The following HNRNPAB variants were observed in gnomAD, a reference collection of about 807,000 sequenced individuals.
HNRNPAB encodes the protein ABBP-1.
HNRNPAB carries 17 observed loss-of-function variants against 44.1 expected under a neutral mutation model. The observed-to-expected ratio is 0.39, with a 90% CI of 0.26 to 0.58. The LOEUF is 0.58. Among genes scored for constraint, HNRNPAB ranks in the 20% least tolerant of loss-of-function variants. HNRNPAB has a pLI of 0.63. For missense variants in HNRNPAB, 393 were observed against 432.7 expected (o/e 0.91, Z 0.81); for synonymous variants, 183 against 167.6 (o/e 1.09, Z -0.71).
At position 178,210,823 on chromosome 5, in the gene HNRNPAB, A is replaced by C; in HGVS notation, c.*200A>C. Reference sequence around the variant, plus strand: ...GTGTTTAGGCAGCGTGTGGTGTCTGAGAGGCCATAGCGCCATCATGGGCTG... The same window carrying C: ...GTGTTTAGGCAGCGTGTGGTGTCTGCGAGGCCATAGCGCCATCATGGGCTG... On this transcript the variant is annotated 3_prime_UTR_variant, in exon 8 of 8. Coordinates refer to ENST00000358344, the MANE Select transcript of HNRNPAB (RefSeq NM_031266.3). 1.7e-6 allele frequency: 1 copy of C among 600,508 alleles called. No homozygotes were observed. The highest frequency in any genetic ancestry group is 2.8e-5 in the Admixed American group (1 of 36,186). The allele number at this position is 600,508 out of a possible 1,614,324, so 37.2% of individuals were successfully genotyped here.
rs1008871470 is a variant in HNRNPAB, at chr5:178,210,903, G to A, written c.*280G>A. On this transcript the variant is annotated 3_prime_UTR_variant, in exon 8 of 8. Coordinates refer to ENST00000358344, the MANE Select transcript of HNRNPAB (RefSeq NM_031266.3). ...GTGGGAGGCTCTGCTTCCTGCTGCCGCTCTGCAGCCTGGACCTGTGGACCC... is the reference window on the plus strand; with the variant it reads ...GTGGGAGGCTCTGCTTCCTGCTGCCACTCTGCAGCCTGGACCTGTGGACCC... 45 of 497,848 alleles carry A rather than the reference G, an allele frequency of 9.0e-5. No individual in the cohort carries two copies. The Admixed American group carries it at 9.4e-4, about 10-fold the overall frequency. 30.8% of individuals were successfully genotyped at this position (497,848 alleles called of 1,614,324 possible).
chr5:178,209,458 C>G lies in HNRNPAB; in HGVS notation c.787+11C>G. The G allele has an allele frequency of 1.9e-6, 3 of 1,609,230 alleles. No individual in the cohort carries two copies. The highest frequency in any genetic ancestry group is 2.6e-6 in the Non-Finnish European group (3 of 1,175,622). On this transcript the variant is annotated intron_variant, in intron 6 of 7. Transcript: ENST00000358344. ...GTGGTGGAGGTGGAGGTGAGTGGAACGTGGATGAAGATAGGTCCTGTTTCC... is the reference window on the plus strand; with the variant it reads ...GTGGTGGAGGTGGAGGTGAGTGGAAGGTGGATGAAGATAGGTCCTGTTTCC...
At chr5:178,210,349 C>T (rs1757845245) in intron 7 of HNRNPAB, 77 bp downstream of exon 7, 2 of 1,602,274 alleles carry the variant, frequency 1.2e-6, no homozygotes, top group Non-Finnish European at 1.7e-6. Context: ...GAGCCACTGG[C>T]AGCAGGGGCT....
chr5:178,206,635 C>G, intron 3 of HNRNPAB, 97 bp from the exon 4 acceptor site: 1 of 1,167,842 alleles, frequency 8.6e-7, no homozygotes, highest in Non-Finnish European at 1.2e-6. Context: ...GGGTGAAACA[C>G]ATGTTTGTAT....
chr5:178,210,580 G>C lies in HNRNPAB; in HGVS notation c.956G>C (p.Ser319Thr), dbSNP rs779577708. The C allele has an allele frequency of 6.2e-7, 1 of 1,614,186 alleles. No individual in the cohort carries two copies. The highest frequency in any genetic ancestry group is 8.5e-7 in the Non-Finnish European group (1 of 1,180,002). ...CAGGGTAGTACAAACTACGGCAAGA[G>C]CCAGCGACGTGGTGGCCATCAGAAT... ...YSQGSTNYGK[S>T]QRRGGHQNNY... Residue 319 changes from serine (S) to threonine (T), a missense_variant, in exon 8 of 8, where the codon AGC (serine) becomes ACC (threonine). Around this residue, in one of 3 missense-constraint regions of HNRNPAB, gnomAD observed 210 missense variants for 196.9 expected, o/e 1.07. Transcript: ENST00000358344.
rs895281718 is a variant in HNRNPAB at position 178,210,928 on chromosome 5, C to G, written c.*305C>G. The stretch of plus-strand genomic sequence containing the variant: ...GCTCTGCAGCCTGGACCTGTGGACC[C>G]TGGTTGTAAAGAGTAAATTGTATCT... On this transcript the variant is annotated 3_prime_UTR_variant, in exon 8 of 8. Transcript: ENST00000358344. 1 of 403,676 alleles carries G rather than the reference C, an allele frequency of 2.5e-6. No individual in the cohort carries two copies. Among genetic ancestry groups the G allele is most frequent in the Non-Finnish European group, 4.5e-6 (1 of 223,782 alleles). The allele number at this position is 403,676 out of a possible 1,614,324, so 25.0% of individuals were successfully genotyped here. A position where few individuals can be genotyped will look rare whatever the true frequency, so the allele number is the denominator to read the frequency against.
Position 178,209,318 on chromosome 5 carries a change from C to G in HNRNPAB, c.670-12C>G, listed in dbSNP as rs747332559. The G allele has an allele frequency of 6.2e-7, 1 of 1,612,752 alleles. No homozygotes were observed. Among genetic ancestry groups the G allele is most frequent in the South Asian group, 1.1e-5 (1 of 91,042 alleles). ...GTCCTACTGGCCTGACCACTGTCCT[C>G]TTGACTTTTAGTGTGAGATCAAGGT... On this transcript the variant is annotated splice_polypyrimidine_tract_variant and intron_variant, in intron 5 of 7. Transcript: ENST00000358344.
At chr5:178,209,551 G>C in intron 6 of HNRNPAB, 104 bp downstream of exon 6, 1 of 966,106 alleles carries the variant, frequency 1.0e-6, no homozygotes, top group Non-Finnish European at 1.6e-6. Flanking sequence ...GGGGTGGGCA[G>C]ATTGTGTGAG....
At chr5:178,206,937 C>G (rs965106114) in intron 4 of HNRNPAB, 47 bp downstream of exon 4, 5 of 1,606,734 alleles carry the variant, frequency 3.1e-6, no homozygotes, top group Non-Finnish European at 4.3e-6. Context: ...CTAAGGCTGC[C>G]TTCTTTCTGG....
chr5:178,208,717 AG>A (rs1458340836), intron 5 of HNRNPAB: 1 of 152,378 alleles, frequency 6.6e-6, no homozygotes, highest in East Asian at 1.9e-4. Context: ...CCCAGTGGAC[AG>A]AAAGGAAATT....
At chr5:178,207,366 G>C (rs780311445) in intron 5 of HNRNPAB, 141 bp downstream of exon 5, 2 of 947,128 alleles carry the variant, frequency 2.1e-6, no homozygotes, top group Non-Finnish European at 3.1e-6. Flanking sequence ...ATGCTGCCCT[G>C]ATTGGGGCAG....
At position 178,209,321 on chromosome 5, in the gene HNRNPAB, G is replaced by C. The variant is rs1362755308; in HGVS notation, c.670-9G>C. 5.0e-6 allele frequency: 8 copies of C among 1,613,174 alleles called. No homozygotes were observed. Among genetic ancestry groups the C allele is most frequent in the Middle Eastern group, 1.7e-4 (1 of 6,052 alleles). Reference sequence around the variant, plus strand: ...CTACTGGCCTGACCACTGTCCTCTTGACTTTTAGTGTGAGATCAAGGTGGC... The same window carrying C: ...CTACTGGCCTGACCACTGTCCTCTTCACTTTTAGTGTGAGATCAAGGTGGC... On this transcript the variant is annotated splice_polypyrimidine_tract_variant and intron_variant, in intron 5 of 7. Coordinates refer to ENST00000358344, the MANE Select transcript of HNRNPAB (RefSeq NM_031266.3).
At chr5:178,207,618 G>C (rs981939632) in intron 5 of HNRNPAB, among the ~76,000 whole-genome samples, 1 of 148,498 alleles carries the variant, frequency 6.7e-6, no homozygotes, top group African/African-American at 2.5e-5. Flanking sequence ...CTGTGGTGAA[G>C]TTTTTCTTAT....
At position 178,204,796 on chromosome 5, in the gene HNRNPAB, C is replaced by G; in HGVS notation, c.-23-19C>G. 1 of 1,181,816 alleles carries G rather than the reference C, an allele frequency of 8.5e-7. No homozygotes were observed. The highest frequency in any genetic ancestry group is 1.6e-5 in the African/African-American group (1 of 62,554). 73.2% of individuals were successfully genotyped at this position (1,181,816 alleles called of 1,614,324 possible). A position where few individuals can be genotyped will look rare whatever the true frequency, so the allele number is the denominator to read the frequency against. Reference sequence around the variant, plus strand: ...GCGGGAGCCGCGCCGGCCTGACGCGCTGTCGCCGCTGGTTGCAGGAGCCGC... The same window carrying G: ...GCGGGAGCCGCGCCGGCCTGACGCGGTGTCGCCGCTGGTTGCAGGAGCCGC... On this transcript the variant is annotated intron_variant, in intron 1 of 7. Transcript: ENST00000358344.
Position 178,210,203 on chromosome 5 carries a change from G to A in HNRNPAB, c.859G>A (p.Gly287Arg), listed in dbSNP as rs377150533. Residue 287 changes from glycine to arginine, a missense_variant, in exon 7 of 8, where the codon GGG becomes AGG. By Grantham distance (125) the Gly-to-Arg change is moderately radical. Coordinates refer to ENST00000358344, the MANE Select transcript of HNRNPAB (RefSeq NM_031266.3). ...GGGCTACGGCTACCAGCAGGGCTAC[G>A]GGCCTGGCTATGGCGGCTACGACTA... ...NQGYGYQQGYGPGYGGYDYSP... is the reference protein window; with the variant it reads ...NQGYGYQQGYRPGYGGYDYSP... 2.4e-5 allele frequency: 38 copies of A among 1,612,530 alleles called. No individual in the cohort carries two copies. Among genetic ancestry groups the A allele is most frequent in the East Asian group, 4.5e-5 (2 of 44,886 alleles).
At chr5:178,209,831 T>C (rs942308086) in intron 6 of HNRNPAB, among the ~76,000 whole-genome samples, 1 of 152,112 alleles carries the variant, frequency 6.6e-6, no homozygotes, top group Admixed American at 6.5e-5. Flanking sequence ...CTCCAAAGCC[T>C]GAACTGCATC....
Position 178,206,139 on chromosome 5 carries a change from C to T in HNRNPAB, c.378+129C>T, listed in dbSNP as rs939787851. ...TAAGTGCTTTGGGCAAAACCCAAAG[C>T]CGGAGGTTATGTTCCGGTTTTTGAG... On this transcript the variant is annotated intron_variant, in intron 3 of 7. Transcript: ENST00000358344. The T allele has an allele frequency of 2.7e-5, 23 of 840,816 alleles. No homozygotes were observed. The African/African-American group carries it at 3.4e-4, about 12-fold the overall frequency. 52.1% of individuals were successfully genotyped at this position (840,816 alleles called of 1,614,324 possible). A position where few individuals can be genotyped will look rare whatever the true frequency, so the allele number is the denominator to read the frequency against.
chr5:178,209,487 C>CCTA (rs1361937864), intron 6 of HNRNPAB, 40 bp downstream of exon 6: 1 of 1,546,828 alleles, frequency 6.5e-7, no homozygotes, highest in African/African-American at 1.4e-5. Context: ...TGTTTCCCTG[C>CCTA]CTACATGGAG....
intron 7 of HNRNPAB, 96 bp downstream of exon 7, chr5:178,210,368 A>G: frequency 2.5e-6 from 4 of 1,594,204 alleles, no homozygotes; most frequent in Non-Finnish European, 3.4e-6. Flanking sequence ...CTTTGGAGTC[A>G]GACAGGCCTG....
Sources: allele counts gnomAD v4.1 joint callset (sites outside exome capture counted in the v4.1 genomes callset), GRCh38; gene constraint gnomAD v4.1.1; regional missense constraint gnomAD v4.1.1; transcripts MANE v1.5; gene names NCBI Gene and HGNC (gene_info 2026-07-23, HGNC 2026-07-21).